The following ABCA6 variants were observed in gnomAD, a reference collection of about 807,000 sequenced individuals.
The protein encoded by ABCA6 is ATP-binding cassette sub-family A member 6.
ABCA6 carries 164 observed loss-of-function variants against 191.2 expected under a neutral mutation model. The ratio of observed to expected loss-of-function variants is 0.86; its 90% confidence interval spans 0.76 to 0.98. The LOEUF is 0.98. ABCA6 is among the 50% of genes least tolerant of loss of function. The probability of loss-of-function intolerance (pLI) is 0.00; values close to 1 mark genes in which losing one functional copy is unlikely to be tolerated. For missense variants in ABCA6, 1,958 were observed against 1,894.1 expected (o/e 1.03, Z -0.63); for synonymous variants, 636 against 647.7 (o/e 0.98, Z 0.27).
intron 20 of ABCA6, among the ~76,000 whole-genome samples, chr17:69,103,508 A>T (rs373821137): frequency 1.3e-5 from 2 of 152,336 alleles, no homozygotes; most frequent in Non-Finnish European, 2.9e-5. Context: ...GGATGCCATC[A>T]TCAGATCAAA....
chr17:69,085,802 TCTG>T, intron 30 of ABCA6, 86 bp from the exon 31 acceptor site: 2 of 887,002 alleles, frequency 2.3e-6, no homozygotes, highest in Non-Finnish European at 3.7e-6. Flanking sequence ...TTCTGAGATT[TCTG>T]CACCCTTCAG....
At chr17:69,090,333 G>A (rs540839465) in intron 26 of ABCA6, among the ~76,000 whole-genome samples, 4 of 152,270 alleles carry the variant, frequency 2.6e-5, no homozygotes, top group South Asian at 2.1e-4. Context: ...TGGCCTCATC[G>A]TATACTTTTC....
intron 22 of ABCA6, 144 bp from the exon 23 acceptor site, chr17:69,098,171 G>A: frequency 2.0e-6 from 1 of 495,846 alleles, no homozygotes. Context: ...AGGTGGGAGG[G>A]AAAGTGACTC....
intron 4 of ABCA6, among the ~76,000 whole-genome samples, 183 bp from the exon 5 acceptor site, chr17:69,134,925 C>T (rs1257691021): frequency 1.6e-5 from 2 of 126,132 alleles, no homozygotes; most frequent in African/African-American, 5.9e-5. Context: ...CTCTGTTGCC[C>T]AGGCTGGAGT....
chr17:69,086,576 T>C, intron 30 of ABCA6, 42 bp downstream of exon 30: 1 of 1,403,896 alleles, frequency 7.1e-7, no homozygotes, highest in African/African-American at 1.4e-5. Context: ...CGGTAGGTAG[T>C]TCTAAAAGTA....
At chr17:69,103,369 A>C (rs1429745146) in intron 20 of ABCA6, among the ~76,000 whole-genome samples, 2 of 152,212 alleles carry the variant, frequency 1.3e-5, no homozygotes, top group Non-Finnish European at 1.5e-5. Flanking sequence ...TGTTCTTCCA[A>C]ATAATGGACA....
In ABCA6 at chr17:69,106,070, C is replaced by T. The variant is rs376370716; in HGVS notation, c.2531G>A (p.Arg844His). 78 of 1,612,978 alleles carry T rather than the reference C, an allele frequency of 4.8e-5. No individual in the cohort carries two copies. Among genetic ancestry groups the T allele is most frequent in the South Asian group, 1.7e-4 (15 of 90,812 alleles). ...AGTTTGACGTTTTAACTTTAAGAAACGGAGCCGTGCCATGGCAAAGACTTG... is the reference window on the plus strand; with the variant it reads ...AGTTTGACGTTTTAACTTTAAGAAATGGAGCCGTGCCATGGCAAAGACTTG... ...RMQVFAMARL[R>H]FLKLKRQTKV... is the part of the protein sequence containing the mutation. Residue 844 changes from arginine to histidine, a missense_variant, in exon 19 of 39, where the codon CGT (arginine) becomes CAT (histidine). Arg to His is a conservative substitution (Grantham distance 29). Coordinates refer to ENST00000284425, the MANE Select transcript of ABCA6 (RefSeq NM_080284.3).
At chr17:69,132,836 A>C (rs993015969) in intron 6 of ABCA6, among the ~76,000 whole-genome samples, 4 of 151,798 alleles carry the variant, frequency 2.6e-5, no homozygotes, top group African/African-American at 9.7e-5. Context: ...TGACACAAAT[A>C]CATATCTATC....
chr17:69,111,050 G>A, intron 16 of ABCA6, 110 bp from the exon 17 acceptor site: 3 of 1,022,214 alleles, frequency 2.9e-6, no homozygotes, highest in Non-Finnish European at 4.1e-6. Context: ...TTGGCTTTAT[G>A]GAACAAAAAG....
At chr17:69,090,213 C>T (rs900877705) in intron 26 of ABCA6, among the ~76,000 whole-genome samples, 8 of 152,198 alleles carry the variant, frequency 5.3e-5, no homozygotes, top group East Asian at 1.9e-4. Flanking sequence ...TTTTCCAGTT[C>T]GCCAAGGACA....
In ABCA6 at chr17:69,100,919, C is replaced by G; in HGVS notation, c.2890G>C (p.Val964Leu). 2 of 1,593,292 alleles carry G rather than the reference C, an allele frequency of 1.3e-6. No individual in the cohort carries two copies. Among genetic ancestry groups the G allele is most frequent in the Non-Finnish European group, 1.7e-6 (2 of 1,168,142 alleles). Residue 964 changes from valine to leucine, a missense_variant, in exon 22 of 39, where the codon GTT (valine) becomes CTT (leucine). Transcript: ENST00000284425. ...SGKQKDYRFS[V>L]VCNTKRLHCF... is the part of the protein sequence containing the mutation. The stretch of plus-strand genomic sequence containing the variant: ...TGCAATCTCTTGGTATTACACACAA[C>G]TGAAAATCTATAATCCTTAAAACAG...
intron 19 of ABCA6, 30 bp downstream of exon 19, chr17:69,105,998 C>G (rs2073293314): frequency 6.5e-7 from 1 of 1,537,384 alleles, no homozygotes; most frequent in Non-Finnish European, 8.7e-7. Flanking sequence ...AATTCATGAT[C>G]TAACAAAACC....
chr17:69,139,234 T>A (rs2073992534), intron 2 of ABCA6, among the ~76,000 whole-genome samples: 1 of 151,762 alleles, frequency 6.6e-6, no homozygotes, highest in Admixed American at 6.6e-5. Flanking sequence ...TACAATGAAC[T>A]CAAACAAATT....
chr17:69,140,552 G>T, intron 2 of ABCA6, 56 bp downstream of exon 2: 1 of 1,004,070 alleles, frequency 1.0e-6, no homozygotes, highest in Non-Finnish European at 1.4e-6. Flanking sequence ...GAATCAGTAG[G>T]TAATGAAACA....
chr17:69,123,393 G>A lies in ABCA6; in HGVS notation c.1282C>T (p.His428Tyr), dbSNP rs1263195192. ...DKILPYGDER[H>Y]YSPLFFLNSS... Reference sequence around the variant, plus strand: ...TTCAAGAAAAATAAAGGAGAATAATGGCGCTCATCTCCATCTAATTAACCA... The same window carrying A: ...TTCAAGAAAAATAAAGGAGAATAATAGCGCTCATCTCCATCTAATTAACCA... Residue 428 changes from histidine (H) to tyrosine (Y), a missense_variant, in exon 10 of 39, where the codon CAT (histidine) becomes TAT (tyrosine). By Grantham distance (83) the His-to-Tyr change is moderately conservative (BLOSUM62 2). Transcript: ENST00000284425. 6.7e-7 allele frequency: 1 copy of A among 1,495,002 alleles called. No individual in the cohort carries two copies. Among genetic ancestry groups the A allele is most frequent in the Admixed American group, 1.8e-5 (1 of 54,300 alleles). The allele number at this position is 1,495,002 out of a possible 1,614,324, so 92.6% of individuals were successfully genotyped here. A position where few individuals can be genotyped will look rare whatever the true frequency, so the allele number is the denominator to read the frequency against.
intron 36 of ABCA6, among the ~76,000 whole-genome samples, chr17:69,081,757 C>G (rs1330637281): frequency 6.6e-6 from 1 of 152,152 alleles, no homozygotes; most frequent in Non-Finnish European, 1.5e-5. Flanking sequence ...GCTTGGGCTG[C>G]CAACCAAAAA....
At position 69,112,177 on chromosome 17, in the gene ABCA6, C is replaced by CTT. The variant is rs894612998; in HGVS notation, c.2132+4_2132+5dup. 1 of 1,602,084 alleles carries CTT rather than the reference C, an allele frequency of 6.2e-7. No homozygotes were observed. The highest frequency in any genetic ancestry group is 1.3e-5 in the African/African-American group (1 of 74,236). On this transcript the variant is annotated splice_donor_region_variant and intron_variant, in intron 16 of 38. Transcript: ENST00000284425. ...CATAAATCCAATCTATTCCCAAAGT[C>CTT]TTTACCTTAGGTGATATCCAAGACC...
In ABCA6 at chr17:69,140,993, T is replaced by C. The variant is rs780914710; in HGVS notation, c.-45-245A>G. Among the ~76,000 whole-genome samples, 4 of 152,042 alleles carry C rather than the reference T, an allele frequency of 2.6e-5. No individual in the cohort carries two copies. The East Asian group carries it at 7.7e-4, about 29-fold the overall frequency. On this transcript the variant is annotated intron_variant, in intron 1 of 38. Transcript: ENST00000284425. ...TGAAATGGAAAAGCTGTAATTCAAC[T>C]TCAGAACCTATAATTTCACATTTTT...
In ABCA6 at chr17:69,129,682, T is replaced by C. The variant is rs781265440; in HGVS notation, c.861A>G (p.Thr287=). The stretch of plus-strand genomic sequence containing the variant: ...CAGTCATGACTATAATTTGGGTGAA[T>C]GTTATGATAATTGTAACGAATATGG... The part of the protein sequence containing the change: ...IISIFVTIII[T]FTQIIVMTGF... The change falls in exon 7 of 39, where the codon ACA becomes ACG. Residue 287 remains threonine, a synonymous_variant. Coordinates refer to ENST00000284425, the MANE Select transcript of ABCA6 (RefSeq NM_080284.3). 6.2e-7 allele frequency: 1 copy of C among 1,604,570 alleles called. No homozygotes were observed. Among genetic ancestry groups the C allele is most frequent in the Non-Finnish European group, 8.5e-7 (1 of 1,172,024 alleles).
Sources: gnomAD v4.1 joint callset for allele counts (sites outside exome capture counted in the v4.1 genomes callset) on GRCh38, gnomAD v4.1.1 for gene constraint, MANE v1.5 for transcripts, NCBI Gene and HGNC (gene_info 2026-07-23, HGNC 2026-07-21) for gene names.